Variants in MACROD2 observed in about 807,000 individuals in gnomAD.
MACROD2 encodes the protein ADP-ribose glycohydrolase MACROD2.
Under a neutral mutation model 70.4 loss-of-function variants are expected in MACROD2, and 36 were observed. The ratio of observed to expected loss-of-function variants is 0.51; its 90% CI spans 0.39 to 0.68. The LOEUF is 0.68. MACROD2 is among the 30% of genes least tolerant of loss of function. The probability of loss-of-function intolerance (pLI) is 0.00; values close to 1 mark genes in which losing one functional copy is unlikely to be tolerated. For synonymous variants in MACROD2, 172 were observed against 178.8 expected (o/e 0.96, Z 0.30); for missense variants, 496 against 538.4 (o/e 0.92, Z 0.78).
chr20:15,173,698 T>C (rs1471963197), intron 5 of MACROD2, among the ~76,000 whole-genome samples: 1 of 152,138 alleles, frequency 6.6e-6, no homozygotes, highest in Non-Finnish European at 1.5e-5. Flanking sequence ...TGGGTATAAA[T>C]ACAGTCATTT....
At chr20:14,648,004 G>C (rs1985486283) in intron 4 of MACROD2, among the ~76,000 whole-genome samples, 1 of 152,088 alleles carries the variant, frequency 6.6e-6, no homozygotes, top group Non-Finnish European at 1.5e-5. Context: ...TTAGACTAAG[G>C]ACCTCCACAG....
intron 3 of MACROD2, among the ~76,000 whole-genome samples, chr20:14,132,055 CG>C (rs1359137547): frequency 4.2e-5 from 6 of 142,752 alleles, no homozygotes; most frequent in Non-Finnish European, 3.0e-5. Context: ...GGTGTGAACC[CG>C]GGAGGCGGAG....
Position 14,556,486 on chromosome 20 carries a change from T to C in MACROD2, c.301+62978T>C, listed in dbSNP as rs1979039156. 4.0e-5 allele frequency among the ~76,000 whole-genome samples: 6 copies of C among 150,548 alleles called. No individual in the cohort carries two copies. In the South Asian group the frequency reaches 1.2e-3, roughly 31 times the overall value. On this transcript the variant is annotated intron_variant, in intron 4 of 17. Coordinates refer to ENST00000684519, the MANE Select transcript of MACROD2 (RefSeq NM_001351661.2). ...CAGATAAAGAAGCTCCAAGAAAGTCTTGTTTTCTTTAGGCAAAGGACCAGG... is the reference window on the plus strand; with the variant it reads ...CAGATAAAGAAGCTCCAAGAAAGTCCTGTTTTCTTTAGGCAAAGGACCAGG...
intron 5 of MACROD2, among the ~76,000 whole-genome samples, chr20:15,010,144 AG>A (rs1297221878): frequency 1.3e-5 from 2 of 152,338 alleles, no homozygotes; most frequent in Non-Finnish European, 1.5e-5. Flanking sequence ...GGTAAAAAGA[AG>A]AAAAAGAGTT....
intron 5 of MACROD2, among the ~76,000 whole-genome samples, chr20:14,854,590 C>T (rs1169925016): frequency 1.3e-5 from 2 of 152,098 alleles, no homozygotes; most frequent in Admixed American, 6.5e-5. Flanking sequence ...ATATTTTACA[C>T]TACAAAGTTC....
chr20:14,376,166 T>G (rs1180164296), intron 3 of MACROD2, among the ~76,000 whole-genome samples: 1 of 152,176 alleles, frequency 6.6e-6, no homozygotes, highest in African/African-American at 2.4e-5. Context: ...AAATATTTAT[T>G]TATCAAAAAT....
chr20:14,310,339 C>A (rs969106281), intron 3 of MACROD2, among the ~76,000 whole-genome samples: 20 of 152,124 alleles, frequency 1.3e-4, no homozygotes, highest in Middle Eastern at 3.4e-3. Context: ...TAAAAGGTAC[C>A]ATAAAATTAC....
In MACROD2 at chr20:15,372,979, G is replaced by C. The variant is rs372545754; in HGVS notation, c.541-58426G>C. Among the ~76,000 whole-genome samples the C allele has an allele frequency of 1.6e-4, 24 of 152,234 alleles. No homozygotes were observed. The East Asian group carries it at 3.7e-3, about 23-fold the overall frequency. The stretch of plus-strand genomic sequence containing the variant: ...GGGCAGAAGGATTGCTTGAGACCCA[G>C]AGATTGAGGCTGCAGTGAGCTGTGA... On this transcript the variant is annotated intron_variant, in intron 6 of 17. Coordinates refer to ENST00000684519, the MANE Select transcript of MACROD2 (RefSeq NM_001351661.2).
intron 4 of MACROD2, chr20:14,622,792 G>A (rs1333400047): frequency 6.6e-6 from 1 of 152,198 alleles, no homozygotes; most frequent in African/African-American, 2.4e-5. Flanking sequence ...TATCCCCTCA[G>A]TGGTGCCAGA....
chr20:15,618,154 G>A (rs2049067203), intron 8 of MACROD2, among the ~76,000 whole-genome samples: 1 of 125,002 alleles, frequency 8.0e-6, no homozygotes, highest in Non-Finnish European at 1.6e-5. Context: ...AAGTCCTTTG[G>A]GCTCTTGGGG....
intron 8 of MACROD2, among the ~76,000 whole-genome samples, chr20:15,623,013 C>T (rs954331656): frequency 2.0e-4 from 30 of 152,008 alleles, no homozygotes; most frequent in Admixed American, 9.2e-4. Flanking sequence ...GATATCAATG[C>T]GTTAATTCTG....
intron 3 of MACROD2, among the ~76,000 whole-genome samples, chr20:14,109,411 G>A (rs548539049): frequency 2.1e-4 from 32 of 151,740 alleles, no homozygotes; most frequent in African/African-American, 7.7e-4. Context: ...GATCAGAGCA[G>A]AAACAAATCA....
intron 5 of MACROD2, among the ~76,000 whole-genome samples, chr20:14,786,481 G>T (rs2072376081): frequency 6.6e-6 from 1 of 151,520 alleles, no homozygotes; most frequent in Non-Finnish European, 1.5e-5. Flanking sequence ...GGCCAAAGTT[G>T]TCTCTTTGTG....
At chr20:15,613,194 T>C (rs2048993493) in intron 8 of MACROD2, among the ~76,000 whole-genome samples, 1 of 152,218 alleles carries the variant, frequency 6.6e-6, no homozygotes, top group Non-Finnish European at 1.5e-5. Context: ...TTCATGTTGA[T>C]AGGCAGTCAG....
At chr20:14,222,426 C>T (rs2081684134) in intron 3 of MACROD2, among the ~76,000 whole-genome samples, 1 of 151,898 alleles carries the variant, frequency 6.6e-6, no homozygotes, top group Admixed American at 6.6e-5. Context: ...ATAAGTGAGA[C>T]CTAAATAATG....
intron 12 of MACROD2, among the ~76,000 whole-genome samples, chr20:15,945,250 C>T (rs2065805916): frequency 6.6e-6 from 1 of 152,112 alleles, no homozygotes; most frequent in Admixed American, 6.6e-5. Context: ...GTTTATTTTA[C>T]AAATATTGTA....
chr20:15,740,994 C>T (rs1429153547), intron 8 of MACROD2, among the ~76,000 whole-genome samples: 1 of 151,940 alleles, frequency 6.6e-6, no homozygotes, highest in Non-Finnish European at 1.5e-5. Flanking sequence ...GAAATGATGT[C>T]TCATCTCTGC....
intron 7 of MACROD2, among the ~76,000 whole-genome samples, chr20:15,488,962 T>G (rs1339823027): frequency 1.3e-5 from 2 of 152,172 alleles, no homozygotes; most frequent in Non-Finnish European, 1.5e-5. Flanking sequence ...AAAGATGATT[T>G]CAAAAATACC....
intron 3 of MACROD2, among the ~76,000 whole-genome samples, chr20:14,342,224 G>T (rs2083020966): frequency 6.6e-6 from 1 of 152,182 alleles, no homozygotes; most frequent in South Asian, 2.1e-4. Flanking sequence ...GGAAAATGGG[G>T]TACTCTTAGG....
Sources: gnomAD v4.1 joint callset for allele counts (sites outside exome capture counted in the v4.1 genomes callset) on GRCh38, gnomAD v4.1.1 for gene constraint, MANE v1.5 for transcripts, NCBI Gene and HGNC (gene_info 2026-07-23, HGNC 2026-07-21) for gene names.